SNAP91: variants seen among roughly 807,000 people sequenced by gnomAD.
SNAP91 encodes the protein clathrin coat assembly protein AP180.
In SNAP91, 27 loss-of-function variants were observed where a neutral mutation model predicts 100.3. The observed-to-expected ratio is 0.27, with a 90% CI of 0.20 to 0.37. The LOEUF (loss-of-function observed/expected upper bound fraction) is 0.37. Ranked by LOEUF, SNAP91 falls within the 10% of genes least tolerant of loss-of-function variation. The pLI is 1.00. For synonymous variants in SNAP91, 404 were observed against 398.6 expected (o/e 1.01, Z -0.16); for missense variants, 986 against 1,123.7 (o/e 0.88, Z 1.75).
chr6:83,613,503 C>G (rs1272782272), intron 11 of SNAP91, among the ~76,000 whole-genome samples: 3 of 152,204 alleles, frequency 2.0e-5, no homozygotes, highest in African/African-American at 7.2e-5. Context: ...GGTTGAGAAC[C>G]AGAGGTGCTC....
rs185129087 is a variant in SNAP91 at position 83,643,621 on chromosome 6, G to A, written c.659-2419C>T. Among the ~76,000 whole-genome samples the A allele has an allele frequency of 2.0e-5, 3 of 152,230 alleles. No homozygotes were observed. The East Asian group carries it at 5.8e-4, about 29-fold the overall frequency. ...TTTTAATATTGTCTCATACTTGAGA[G>A]TTATTTCATTCAGCATGTAATTTTA... On this transcript the variant is annotated intron_variant, in intron 7 of 29. Transcript: ENST00000369694.
chr6:83,708,102 C>G (rs756198298), intron 1 of SNAP91, 145 bp from the exon 2 acceptor site: 2 of 669,148 alleles, frequency 3.0e-6, no homozygotes, highest in South Asian at 4.8e-5. Context: ...AGCAACGCGC[C>G]AAGCCCCGCT....
In SNAP91 at chr6:83,677,608, T is replaced by C. The variant is rs527453298; in HGVS notation, c.131-12027A>G. Among the ~76,000 whole-genome samples the C allele has an allele frequency of 2.6e-5, 4 of 152,328 alleles. No individual in the cohort carries two copies. The South Asian group carries it at 8.3e-4, about 32-fold the overall frequency. ...ATTGGAAATTTATATTTTTGTCTTT[T>C]AGGGTTTGTGCACAGCTTGTTGTGG... is the stretch of plus-strand genomic sequence containing the variant. On this transcript the variant is annotated intron_variant, in intron 2 of 29. Transcript: ENST00000369694.
intron 7 of SNAP91, among the ~76,000 whole-genome samples, chr6:83,652,368 A>C (rs2098244238): frequency 6.6e-6 from 1 of 152,000 alleles, no homozygotes; most frequent in Non-Finnish European, 1.5e-5. Flanking sequence ...TATCAATTAC[A>C]CTTCTTTTTT....
chr6:83,651,395 G>A (rs74668479), intron 7 of SNAP91, among the ~76,000 whole-genome samples: 4,256 of 151,958 alleles, frequency 0.028, 173 homozygotes, highest in African/African-American at 0.093. Flanking sequence ...ACAAATTTCC[G>A]TATAAGCACT....
intron 2 of SNAP91, among the ~76,000 whole-genome samples, chr6:83,668,415 G>C (rs1349020838): frequency 6.6e-6 from 1 of 152,078 alleles, no homozygotes; most frequent in Non-Finnish European, 1.5e-5. Flanking sequence ...CAATAGCAAA[G>C]ACATGGAACC....
chr6:83,624,786 C>T (rs185135560), intron 8 of SNAP91, among the ~76,000 whole-genome samples: 58 of 152,164 alleles, frequency 3.8e-4, no homozygotes, highest in African/African-American at 1.2e-3. Flanking sequence ...AGACCACTGA[C>T]GTAGAGCACT....
intron 8 of SNAP91, among the ~76,000 whole-genome samples, chr6:83,634,265 TG>T (rs954989363): frequency 3.3e-5 from 5 of 152,160 alleles, no homozygotes; most frequent in Non-Finnish European, 7.3e-5. Flanking sequence ...TTTTTTTCAC[TG>T]CTTCTTCTAT....
At chr6:83,666,344 A>C (rs2098685914) in intron 2 of SNAP91, among the ~76,000 whole-genome samples, 1 of 152,086 alleles carries the variant, frequency 6.6e-6, no homozygotes, top group African/African-American at 2.4e-5. Flanking sequence ...TCATGTGCTA[A>C]GGAACAGAAG....
intron 2 of SNAP91, among the ~76,000 whole-genome samples, chr6:83,667,381 T>G (rs1422449949): frequency 2.0e-5 from 3 of 152,060 alleles, no homozygotes; most frequent in African/African-American, 7.2e-5. Context: ...TCACACACTC[T>G]AACTAAAATA....
intron 13 of SNAP91, 89 bp downstream of exon 13, chr6:83,607,610 G>C: frequency 1.3e-6 from 1 of 754,744 alleles, no homozygotes; most frequent in Non-Finnish European, 2.1e-6. Context: ...GATTTCCTTT[G>C]GTGAAATCAT....
chr6:83,690,691 A>C (rs2099119150), intron 2 of SNAP91, among the ~76,000 whole-genome samples: 1 of 152,064 alleles, frequency 6.6e-6, no homozygotes, highest in Admixed American at 6.6e-5. Context: ...TGTATATCTC[A>C]TGCTCTAGGA....
intron 8 of SNAP91, among the ~76,000 whole-genome samples, chr6:83,627,758 T>A (rs2097006343): frequency 1.3e-5 from 2 of 152,050 alleles, no homozygotes; most frequent in African/African-American, 4.8e-5. Context: ...TTAATCTAGC[T>A]AGTGGTCGAT....
At chr6:83,617,113 C>T (rs1302605329) in intron 9 of SNAP91, 74 bp from the exon 10 acceptor site, 4 of 986,080 alleles carry the variant, frequency 4.1e-6, no homozygotes, top group Non-Finnish European at 5.9e-6. Context: ...GTCACTGTAA[C>T]TGTATGGTGG....
Position 83,662,357 on chromosome 6 carries a change from A to C in SNAP91, c.339T>G (p.Ser113Arg). 1 of 1,430,482 alleles carries C rather than the reference A, an allele frequency of 7.0e-7. No homozygotes were observed. The highest frequency in any genetic ancestry group is 1.6e-5 in the South Asian group (1 of 62,686). 88.6% of individuals were successfully genotyped at this position (1,430,482 alleles called of 1,614,324 possible). A position where few individuals can be genotyped will look rare whatever the true frequency, so the allele number is the denominator to read the frequency against. ...TACAAATATTCTCACCATGGGATCCACTTTTGTCCAAAAAATTGCTGAGAT... is the reference window on the plus strand; with the variant it reads ...TACAAATATTCTCACCATGGGATCCCCTTTTGTCCAAAAAATTGCTGAGAT... ...LFNLSNFLDKSGSHGYDMSTF... is the reference protein window; with the variant it reads ...LFNLSNFLDKRGSHGYDMSTF... Residue 113 changes from serine (S) to arginine (R), a missense_variant, in exon 4 of 30, where the codon AGT (serine) becomes AGG (arginine). Transcript: ENST00000369694.
chr6:83,648,743 A>G (rs1456404215), intron 7 of SNAP91, among the ~76,000 whole-genome samples: 1 of 143,736 alleles, frequency 7.0e-6, no homozygotes, highest in Admixed American at 7.3e-5. Flanking sequence ...TATGCTTATT[A>G]GCCATTTTAT....
At chr6:83,624,409 A>G (rs1010891134) in intron 8 of SNAP91, among the ~76,000 whole-genome samples, 6 of 152,148 alleles carry the variant, frequency 3.9e-5, no homozygotes, top group Non-Finnish European at 7.4e-5. Context: ...TCTCCTTGAG[A>G]AATGAAGAGC....
chr6:83,707,119 T>G (rs909791125), intron 2 of SNAP91, among the ~76,000 whole-genome samples: 1 of 152,206 alleles, frequency 6.6e-6, no homozygotes, highest in African/African-American at 2.4e-5. Flanking sequence ...TTTGTGACCA[T>G]AGCATAGTCA....
chr6:83,594,626 G>A (rs536415125), intron 16 of SNAP91, 145 bp from the exon 17 acceptor site: 26 of 539,468 alleles, frequency 4.8e-5, no homozygotes, highest in South Asian at 1.0e-4. Context: ...ATGCGCTGTC[G>A]GTGGTCACAA....
Sources: gnomAD v4.1 joint callset for allele counts (sites outside exome capture counted in the v4.1 genomes callset) on GRCh38, gnomAD v4.1.1 for gene constraint, MANE v1.5 for transcripts, NCBI Gene and HGNC (gene_info 2026-07-23, HGNC 2026-07-21) for gene names.